Variants in EPN1 observed in about 807,000 individuals in gnomAD.
The protein encoded by EPN1 is epsin-1.
Under a neutral mutation model 56.9 loss-of-function variants are expected in EPN1, and 25 were observed. That is an observed-to-expected ratio of 0.44 (90% CI 0.32 to 0.61). EPN1 has a LOEUF of 0.61. Among genes scored for constraint, EPN1 ranks in the 20% least tolerant of loss-of-function variants. The probability of loss-of-function intolerance (pLI) is 0.05; values close to 1 mark genes in which losing one functional copy is unlikely to be tolerated. For synonymous variants in EPN1, 411 were observed against 361.8 expected, an observed-to-expected ratio of 1.14 and a Z score of -1.54; for missense variants, 785 against 823.7, an observed-to-expected ratio of 0.95 and a Z score of 0.58.
rs182042500 is a variant in EPN1 at position 55,693,172 on chromosome 19, G to T, written c.1264+135G>T. 43 of 718,430 alleles carry T rather than the reference G, an allele frequency of 6.0e-5. No individual in the cohort carries two copies. The East Asian group carries it at 1.1e-3, about 18-fold the overall frequency. 44.5% of individuals were successfully genotyped at this position (718,430 alleles called of 1,614,324 possible). ...TAGGGATGAAAAGTTCAGTTGGGTAGAGTGGGCCAGAACCATCCACCTGTC... is the reference window on the plus strand; with the variant it reads ...TAGGGATGAAAAGTTCAGTTGGGTATAGTGGGCCAGAACCATCCACCTGTC... On this transcript the variant is annotated intron_variant, in intron 9 of 10. Transcript: ENST00000270460.
At chr19:55,685,236 C>T (rs557811005) in intron 2 of EPN1, among the ~76,000 whole-genome samples, 160 bp from the exon 3 acceptor site, 5 of 152,372 alleles carry the variant, frequency 3.3e-5, no homozygotes, top group South Asian at 2.1e-4. Context: ...TTTGCATGGC[C>T]GTGTCGTATT....
Position 55,692,992 on chromosome 19 carries a change from T to A in EPN1, c.1219T>A (p.Phe407Ile), listed in dbSNP as rs1467060122. The A allele has an allele frequency of 6.2e-7, 1 of 1,613,424 alleles. No homozygotes were observed. The highest frequency in any genetic ancestry group is 1.3e-5 in the African/African-American group (1 of 75,026). Residue 407 changes from phenylalanine (F) to isoleucine (I), a missense_variant, in exon 9 of 11, where the codon TTT becomes ATT. Physicochemically the swap from Phe to Ile is conservative, Grantham distance 21. Transcript: ENST00000270460. ...CACGGAGCCCGACGAGTTCTCTGAC[T>A]TTGACCGACTCCGCACGGCACTGCC... is the stretch of plus-strand genomic sequence containing the variant. The part of the protein sequence containing the change: ...FDTEPDEFSD[F>I]DRLRTALPTS...
At chr19:55,676,821 T>C in intron 1 of EPN1, 1 of 186,772 alleles carries the variant, frequency 5.4e-6, no homozygotes. Flanking sequence ...CTCCCTGTCT[T>C]CCCATGTTCT....
intron 1 of EPN1, chr19:55,677,521 T>G: frequency 7.5e-7 from 1 of 1,337,158 alleles, no homozygotes; most frequent in Non-Finnish European, 1.0e-6. Flanking sequence ...TCCTGGTGTG[T>G]GACCTTGGTT....
In EPN1 at chr19:55,709,451, T is replaced by A. The variant is rs1659047686; in HGVS notation, c.*14095T>A. 6.5e-6 allele frequency: 1 copy of A among 152,714 alleles called. No individual in the cohort carries two copies. Among genetic ancestry groups the A allele is most frequent in the Non-Finnish European group, 1.5e-5 (1 of 68,478 alleles). The allele number at this position is 152,714 out of a possible 1,614,324, so 9.5% of individuals were successfully genotyped here. ...AATTCATGTACCCATCACCAACTTC[T>A]ACAATTACCAATATTCAGCCTCTTC... On this transcript the variant is annotated 3_prime_UTR_variant, in exon 11 of 11. Transcript: ENST00000270460.
intron 2 of EPN1, among the ~76,000 whole-genome samples, chr19:55,681,397 C>A (rs1028026977): frequency 6.6e-5 from 10 of 152,170 alleles, no homozygotes; most frequent in African/African-American, 2.2e-4. Flanking sequence ...AGAGGAGCCC[C>A]GAGCCCACCC....
rs906895655 is a variant in EPN1, at chr19:55,707,840, G to C, written c.*12484G>C. 1.3e-5 allele frequency: 2 copies of C among 154,418 alleles called. No individual in the cohort carries two copies. Among genetic ancestry groups the C allele is most frequent in the African/African-American group, 4.8e-5 (2 of 41,546 alleles). The allele number at this position is 154,418 out of a possible 1,614,324, so 9.6% of individuals were successfully genotyped here. On this transcript the variant is annotated 3_prime_UTR_variant, in exon 11 of 11. Transcript: ENST00000270460. ...TATGGAAACCCTTGTCCAGTCTTGA[G>C]TGTAAACTCGTGTTTACAGGTCTTA...
chr19:55,706,910 C>T lies in EPN1; in HGVS notation c.*11554C>T, dbSNP rs955748285. ...TTTAAATGGGCTGAGCGCGGTGGCT[C>T]AGGCCTGTAATCCCAGCACTTTGGG... On this transcript the variant is annotated 3_prime_UTR_variant, in exon 11 of 11. Transcript: ENST00000270460. 3 of 152,048 alleles carry T rather than the reference C, an allele frequency of 2.0e-5. No individual in the cohort carries two copies. Among genetic ancestry groups the T allele is most frequent in the Non-Finnish European group, 4.4e-5 (3 of 68,064 alleles). The allele number at this position is 152,048 out of a possible 1,614,324, so 9.4% of individuals were successfully genotyped here.
rs1568581825 is a variant in EPN1, at chr19:55,695,097, T to TA, written c.1523-51_1523-50insA. On this transcript the variant is annotated intron_variant, in intron 10 of 10. Coordinates refer to ENST00000270460, the MANE Select transcript of EPN1 (RefSeq NM_001130072.2). This position sits in a 1 kb window ranked among gnomAD's most constrained non-coding sequence, Gnocchi z 4.4. ...CCTGCACATGCTGGATGGACACAGGTGGGCTGCGCCACTGACTCCACTCCG... is the reference window on the plus strand; with the variant it reads ...CCTGCACATGCTGGATGGACACAGGTAGGGCTGCGCCACTGACTCCACTCCG... 1.9e-6 allele frequency: 3 copies of TA among 1,610,978 alleles called. No individual in the cohort carries two copies. In the Admixed American group the frequency reaches 5.0e-5, roughly 27 times the overall value.
intron 2 of EPN1, among the ~76,000 whole-genome samples, chr19:55,679,922 G>T (rs1369249769): frequency 6.6e-6 from 1 of 152,184 alleles, no homozygotes; most frequent in Non-Finnish European, 1.5e-5. Context: ...AACGAGGAGG[G>T]ATGGGGCTGG....
In EPN1 at chr19:55,694,890, C is replaced by T. The variant is rs1171414882; in HGVS notation, c.1429C>T (p.Pro477Ser). ...TRKTPESFLG[P>S]NAALVDLDSL... ...GAAGACGCCGGAGTCATTCCTGGGG[C>T]CCAATGCAGCCCTCGTCGACCTGGA... is the stretch of plus-strand genomic sequence containing the variant. The change falls in exon 10 of 11, where the codon CCC becomes TCC. Residue 477 changes from proline to serine, a missense_variant. Coordinates refer to ENST00000270460, the MANE Select transcript of EPN1 (RefSeq NM_001130072.2). This position sits in a 1 kb window ranked among gnomAD's most constrained non-coding sequence, Gnocchi z 4.2. 6.3e-7 allele frequency: 1 copy of T among 1,598,282 alleles called. No homozygotes were observed. Among genetic ancestry groups the T allele is most frequent in the East Asian group, 2.3e-5 (1 of 44,024 alleles).
In EPN1 at chr19:55,697,096, G is replaced by T. The variant is rs1363840460; in HGVS notation, c.*1740G>T. 6.6e-6 allele frequency: 1 copy of T among 152,248 alleles called. No homozygotes were observed. The highest frequency in any genetic ancestry group is 6.5e-5 in the Admixed American group (1 of 15,286). 9.4% of individuals were successfully genotyped at this position (152,248 alleles called of 1,614,324 possible). A position where few individuals can be genotyped will look rare whatever the true frequency, so the allele number is the denominator to read the frequency against. ...AGCCCTCTTCTCACACCCGGCCTGG[G>T]TATGTTGTGGGAGAGTCATTTCCCA... is the stretch of plus-strand genomic sequence containing the variant. On this transcript the variant is annotated 3_prime_UTR_variant, in exon 11 of 11. Transcript: ENST00000270460.
In EPN1 at chr19:55,708,980, G is replaced by A; in HGVS notation, c.*13624G>A. The A allele has an allele frequency of 6.3e-7, 1 of 1,593,622 alleles. No individual in the cohort carries two copies. Among genetic ancestry groups the A allele is most frequent in the Non-Finnish European group, 8.5e-7 (1 of 1,171,798 alleles). ...GGTCCATGTGAAATGGTCAGATGGG[G>A]AATTTTTTCTTCCACAGACATCAGG... On this transcript the variant is annotated 3_prime_UTR_variant, in exon 11 of 11. Coordinates refer to ENST00000270460, the MANE Select transcript of EPN1 (RefSeq NM_001130072.2).
chr19:55,679,470 C>T (rs929280064), intron 2 of EPN1, among the ~76,000 whole-genome samples: 1 of 152,216 alleles, frequency 6.6e-6, no homozygotes, highest in Admixed American at 6.5e-5. Context: ...GGAGCCGATT[C>T]ACGTCTGACT....
Position 55,694,991 on chromosome 19 carries a change from T to A in EPN1, c.1522+8T>A. ...ACCCCTTCCTGCCAGGCGGTGAGTGTGGGCCCATCACCTGCTCAAGTCCTT... is the reference window on the plus strand; with the variant it reads ...ACCCCTTCCTGCCAGGCGGTGAGTGAGGGCCCATCACCTGCTCAAGTCCTT... On this transcript the variant is annotated splice_region_variant and intron_variant, in intron 10 of 10. Coordinates refer to ENST00000270460, the MANE Select transcript of EPN1 (RefSeq NM_001130072.2). The surrounding 1 kb of genome is among the most constrained non-coding windows in gnomAD (Gnocchi z 4.2). 6.4e-7 allele frequency: 1 copy of A among 1,558,026 alleles called. No individual in the cohort carries two copies.
intron 2 of EPN1, among the ~76,000 whole-genome samples, chr19:55,679,410 A>G (rs1441937206): frequency 6.6e-6 from 1 of 152,238 alleles, no homozygotes; most frequent in East Asian, 1.9e-4. Context: ...TTATACTCCC[A>G]GTGGCGGGAT....
Position 55,692,753 on chromosome 19 carries a change from C to A in EPN1, c.1134C>A (p.Pro378=). ...CACCGGCCCCGGCCTTCTCAGATCC[C>A]TGGGGAGGGTCACCTGCCAAGCCCA... ...PWTPAPAFSD[P]WGGSPAKPST... is the part of the protein sequence containing the mutation. Residue 378 remains proline (P), a synonymous_variant, in exon 8 of 11, where the codon CCC becomes CCA. Transcript: ENST00000270460. 2 of 1,586,556 alleles carry A rather than the reference C, an allele frequency of 1.3e-6. No individual in the cohort carries two copies. Among genetic ancestry groups the A allele is most frequent in the Non-Finnish European group, 8.6e-7 (1 of 1,166,942 alleles).
At chr19:55,677,656 A>C in intron 1 of EPN1, 8 of 1,551,560 alleles carry the variant, frequency 5.2e-6, no homozygotes, top group Non-Finnish European at 7.0e-6. Flanking sequence ...TAGGTTCCTT[A>C]TCTCTCCTGA....
At chr19:55,690,251 G>T (rs1986452859) in intron 6 of EPN1, among the ~76,000 whole-genome samples, 1 of 152,268 alleles carries the variant, frequency 6.6e-6, no homozygotes, top group Admixed American at 6.5e-5. Context: ...CCCAGAATAG[G>T]CCAACAGCCT....
Sources: gnomAD v4.1 joint callset for allele counts (sites outside exome capture counted in the v4.1 genomes callset) on GRCh38, gnomAD v4.1.1 for gene constraint, Gnocchi (gnomAD v3.1) non-coding constraint, MANE v1.5 for transcripts, NCBI Gene and HGNC (gene_info 2026-07-23, HGNC 2026-07-21) for gene names.